The following NTM variants were observed in gnomAD, a reference collection of about 807,000 sequenced individuals.
The protein encoded by NTM is IgLON family member 2.
In NTM, 13 loss-of-function variants were observed where a neutral mutation model predicts 42.1. That is an observed-to-expected ratio of 0.31 (90% CI 0.20 to 0.49). The LOEUF (loss-of-function observed/expected upper bound fraction) is 0.49, where lower values mean the gene tolerates loss of function less well. Among genes scored for constraint, NTM ranks in the 20% least tolerant of loss-of-function variants. NTM has a pLI of 0.99. For synonymous variants in NTM, 187 were observed against 179.2 expected (o/e 1.04, Z -0.35); for missense variants, 373 against 452.8 (o/e 0.82, Z 1.60).
In NTM at chr11:132,008,580, T is replaced by C. The variant is rs1233047037; in HGVS notation, c.167+96932T>C. On this transcript the variant is annotated intron_variant, in intron 2 of 8. Coordinates refer to ENST00000683400, the MANE Select transcript of NTM (RefSeq NM_001352005.2). ...AGAAGTGTGGGGAATGAACACCAGA[T>C]GTGAGTGCTGAGGGGTTTGGAGCCT... Among the ~76,000 whole-genome samples, 3 of 152,054 alleles carry C rather than the reference T, an allele frequency of 2.0e-5. No homozygotes were observed. In the East Asian group the frequency reaches 5.8e-4, roughly 29 times the overall value.
intron 4 of NTM, among the ~76,000 whole-genome samples, chr11:132,268,394 T>A (rs115147591): frequency 3.0e-4 from 46 of 152,358 alleles, no homozygotes; most frequent in African/African-American, 1.1e-3. Context: ...AAATGAGGAA[T>A]TCAGACTCCA....
chr11:131,714,403 C>A lies in NTM; in HGVS notation c.83-197161C>A, dbSNP rs145777305. 1.6e-3 allele frequency among the ~76,000 whole-genome samples: 243 copies of A among 152,130 alleles called. 7 individuals carry two copies. In the East Asian group the frequency reaches 0.042, roughly 26 times the overall value. ...AAGGAGTTTCACCATGTTGGCCAGG[C>A]TCGTCTTGAACTCCTGACTTCAGGT... On this transcript the variant is annotated intron_variant, in intron 1 of 8. Transcript: ENST00000683400.
At chr11:132,004,032 C>T (rs1179433017) in intron 2 of NTM, among the ~76,000 whole-genome samples, 1 of 152,090 alleles carries the variant, frequency 6.6e-6, no homozygotes, top group Non-Finnish European at 1.5e-5. Context: ...GCTGTGGTCC[C>T]AGTCAGACTA....
chr11:132,156,687 CA>C (rs1662581487), intron 3 of NTM, among the ~76,000 whole-genome samples: 1 of 144,504 alleles, frequency 6.9e-6, no homozygotes, highest in African/African-American at 2.6e-5. Context: ...CAAAATGATT[CA>C]TTTTTTTTTC....
intron 1 of NTM, among the ~76,000 whole-genome samples, chr11:131,814,851 A>G (rs1164677181): frequency 6.6e-6 from 1 of 152,042 alleles, no homozygotes; most frequent in Non-Finnish European, 1.5e-5. Flanking sequence ...ATTTCTTTCT[A>G]TTCCTCAGCC....
At chr11:132,287,979 T>C (rs1239214977) in intron 4 of NTM, among the ~76,000 whole-genome samples, 1 of 152,264 alleles carries the variant, frequency 6.6e-6, no homozygotes, top group Non-Finnish European at 1.5e-5. Context: ...AAGGGTATGA[T>C]ATACATTGTC....
intron 1 of NTM, among the ~76,000 whole-genome samples, chr11:131,401,851 TA>T (rs1270655366): frequency 1.6e-4 from 17 of 105,888 alleles, no homozygotes; most frequent in Non-Finnish European, 2.9e-4. Context: ...TATATATATA[TA>T]TATATATATT....
intron 4 of NTM, among the ~76,000 whole-genome samples, chr11:132,215,505 C>A (rs1394321741): frequency 2.0e-5 from 3 of 152,128 alleles, no homozygotes; most frequent in African/African-American, 7.2e-5. Context: ...GTGGCTCATA[C>A]ACTTTGATAT....
At chr11:131,884,415 GAAAAA>G (rs980556325) in intron 1 of NTM, among the ~76,000 whole-genome samples, 1 of 149,394 alleles carries the variant, frequency 6.7e-6, no homozygotes, top group Non-Finnish European at 1.5e-5. Context: ...ATCTCAAAAA[GAAAAA>G]AAAAGAAAGA....
At chr11:131,565,168 A>T (rs2056741044) in intron 1 of NTM, among the ~76,000 whole-genome samples, 1 of 152,146 alleles carries the variant, frequency 6.6e-6, no homozygotes, top group Non-Finnish European at 1.5e-5. Flanking sequence ...GAACACAGGG[A>T]GCAGCCCCCT....
At chr11:132,065,271 C>G (rs1241609522) in intron 2 of NTM, among the ~76,000 whole-genome samples, 1 of 152,200 alleles carries the variant, frequency 6.6e-6, no homozygotes, top group Non-Finnish European at 1.5e-5. Flanking sequence ...TAGGCTGCCC[C>G]CAACTCCTCA....
At chr11:131,681,999 C>T (rs2073029403) in intron 1 of NTM, among the ~76,000 whole-genome samples, 1 of 152,132 alleles carries the variant, frequency 6.6e-6, no homozygotes, top group Non-Finnish European at 1.5e-5. Flanking sequence ...GCTGACCAGT[C>T]CTTCCAATCT....
intron 1 of NTM, among the ~76,000 whole-genome samples, chr11:131,624,540 T>C (rs1384595186): frequency 6.6e-6 from 1 of 152,198 alleles, no homozygotes; most frequent in Non-Finnish European, 1.5e-5. Flanking sequence ...CTACAAGTTC[T>C]GAGCCATTGG....
At chr11:131,736,202 C>T (rs2080413062) in intron 1 of NTM, among the ~76,000 whole-genome samples, 1 of 152,052 alleles carries the variant, frequency 6.6e-6, no homozygotes, top group Non-Finnish European at 1.5e-5. Context: ...CCTCAGTGGC[C>T]CTGGACTCCC....
Position 131,873,696 on chromosome 11 carries a change from CAT to C in NTM, c.83-37856_83-37855del, listed in dbSNP as rs376831306. Among the ~76,000 whole-genome samples, 387 of 124,502 alleles carry C rather than the reference CAT, an allele frequency of 3.1e-3. 9 individuals carry two copies. The highest frequency in any genetic ancestry group is 0.023 in the South Asian group (100 of 4,372). 81.7% of individuals were successfully genotyped at this position (124,502 alleles called of 152,430 possible). On this transcript the variant is annotated intron_variant, in intron 1 of 8. Coordinates refer to ENST00000683400, the MANE Select transcript of NTM (RefSeq NM_001352005.2). ...ATATATACACACATATATATACACA[CAT>C]ATATATATATACACACACACACTTT...
At chr11:132,090,980 G>T (rs1338521585) in intron 2 of NTM, among the ~76,000 whole-genome samples, 1 of 152,114 alleles carries the variant, frequency 6.6e-6, no homozygotes, top group Non-Finnish European at 1.5e-5. Context: ...ATTCTCTATA[G>T]CGGCTATTTC....
At chr11:131,430,237 C>T (rs1175928374) in intron 1 of NTM, among the ~76,000 whole-genome samples, 2 of 152,112 alleles carry the variant, frequency 1.3e-5, no homozygotes, top group Non-Finnish European at 2.9e-5. Context: ...GTACAAGGGT[C>T]CCAACCATGT....
intron 1 of NTM, among the ~76,000 whole-genome samples, chr11:131,757,709 G>GT (rs1389129424): frequency 6.6e-6 from 1 of 152,076 alleles, no homozygotes; most frequent in African/African-American, 2.4e-5. Context: ...TATTATGTTT[G>GT]TTTTTTTCTT....
chr11:131,467,159 G>A (rs1244139132), intron 1 of NTM, among the ~76,000 whole-genome samples: 2 of 152,182 alleles, frequency 1.3e-5, no homozygotes, highest in African/African-American at 2.4e-5. Context: ...GAGAGTAGAC[G>A]AGAAAAGAAG....
Sources: gnomAD v4.1 joint callset for allele counts (sites outside exome capture counted in the v4.1 genomes callset) on GRCh38, gnomAD v4.1.1 for gene constraint, MANE v1.5 for transcripts, NCBI Gene and HGNC (gene_info 2026-07-23, HGNC 2026-07-21) for gene names.